Variants in PPP1R3G observed in about 807,000 individuals in gnomAD.
PPP1R3G encodes the protein protein phosphatase 1 regulatory subunit 3G, also known as protein phosphatase 1, regulatory (inhibitor) subunit 3G.
In PPP1R3G, 3 loss-of-function variants were observed where a neutral mutation model predicts 2.0. The ratio of observed to expected loss-of-function variants is 1.47; its 90% CI spans 0.67 to 3.81. The LOEUF is 3.81. Among genes scored for constraint, PPP1R3G ranks in the 30% most tolerant of loss-of-function variants. The pLI, the probability that PPP1R3G is intolerant of heterozygous loss-of-function variation, is 0.02. For missense variants in PPP1R3G, 595 were observed against 517.0 expected, an observed-to-expected ratio of 1.15 and a Z score of -1.46; for synonymous variants, 267 against 250.9, an observed-to-expected ratio of 1.06 and a Z score of -0.61.
chr6:5,085,813 G>A lies in PPP1R3G; in HGVS notation c.328G>A (p.Gly110Ser), dbSNP rs1395762749. ...QQQQQQAVAL[G>S]GEGAEDAQLG... ...GCAGCAGCAACAGGCGGTGGCACTG[G>A]GCGGCGAGGGGGCGGAGGACGCACA... The change falls in exon 1 of 1, where the codon GGC (glycine) becomes AGC (serine). Residue 110 changes from glycine (G) to serine (S), a missense_variant. Gly to Ser is a moderately conservative substitution (Grantham distance 56). Transcript: ENST00000405617. 1.3e-6 allele frequency: 2 copies of A among 1,528,192 alleles called. No homozygotes were observed. Among genetic ancestry groups the A allele is most frequent in the South Asian group, 1.2e-5 (1 of 82,640 alleles). 94.7% of individuals were successfully genotyped at this position (1,528,192 alleles called of 1,614,324 possible). A position where few individuals can be genotyped will look rare whatever the true frequency, so the allele number is the denominator to read the frequency against.
Position 5,086,149 on chromosome 6 carries a change from C to A in PPP1R3G, c.664C>A (p.Arg222Ser). ...RLQRQRVCLE[R>S]VQCSTASGAE... ...GCAGCGGCAGCGCGTGTGCCTGGAG[C>A]GCGTGCAGTGCTCGACGGCCTCGGG... The change falls in exon 1 of 1, where the codon CGC becomes AGC. Residue 222 changes from arginine (R) to serine (S), a missense_variant. Coordinates refer to ENST00000405617, the MANE Select transcript of PPP1R3G (RefSeq NM_001145115.3). The A allele has an allele frequency of 6.6e-7, 1 of 1,515,386 alleles. No individual in the cohort carries two copies. The highest frequency in any genetic ancestry group is 8.8e-7 in the Non-Finnish European group (1 of 1,137,658). 93.9% of individuals were successfully genotyped at this position (1,515,386 alleles called of 1,614,324 possible). A position where few individuals can be genotyped will look rare whatever the true frequency, so the allele number is the denominator to read the frequency against.
chr6:5,085,775 A>G lies in PPP1R3G; in HGVS notation c.290A>G (p.Lys97Arg). The G allele has an allele frequency of 6.5e-7, 1 of 1,534,082 alleles. No individual in the cohort carries two copies. The highest frequency in any genetic ancestry group is 8.8e-7 in the Non-Finnish European group (1 of 1,141,210). ...LPADPILQAAKFLQQQQQQAV... is the reference protein window; with the variant it reads ...LPADPILQAARFLQQQQQQAV... ...GCCGACCCCATCTTGCAGGCGGCCA[A>G]GTTCCTGCAGCAGCAGCAGCAACAG... Residue 97 changes from lysine to arginine, a missense_variant, in exon 1 of 1, where the codon AAG becomes AGG. Physicochemically the swap from Lys to Arg is conservative, Grantham distance 26. Transcript: ENST00000405617.
chr6:5,086,227 G>A lies in PPP1R3G; in HGVS notation c.742G>A (p.Val248Met). 6.5e-7 allele frequency: 1 copy of A among 1,535,494 alleles called. No individual in the cohort carries two copies. The highest frequency in any genetic ancestry group is 1.7e-4 in the Middle Eastern group (1 of 5,986). Reference sequence around the variant, plus strand: ...GCTCAGCTGCCCTGGGCCCAGGGCCGTGACCGTGCGCTACACCTTTACCGA... The same window carrying A: ...GCTCAGCTGCCCTGGGCCCAGGGCCATGACCGTGCGCTACACCTTTACCGA... ...RVLSCPGPRAVTVRYTFTEWR... is the reference protein window; with the variant it reads ...RVLSCPGPRAMTVRYTFTEWR... Residue 248 changes from valine to methionine, a missense_variant, in exon 1 of 1, where the codon GTG (valine) becomes ATG (methionine). Val to Met is a conservative substitution (Grantham distance 21). Coordinates refer to ENST00000405617, the MANE Select transcript of PPP1R3G (RefSeq NM_001145115.3).
Position 5,085,571 on chromosome 6 carries a change from C to A in PPP1R3G, c.86C>A (p.Ala29Asp). 1 of 1,543,652 alleles carries A rather than the reference C, an allele frequency of 6.5e-7. No individual in the cohort carries two copies. Among genetic ancestry groups the A allele is most frequent in the Non-Finnish European group, 8.7e-7 (1 of 1,146,110 alleles). Residue 29 changes from alanine (A) to aspartate (D), a missense_variant, in exon 1 of 1, where the codon GCC becomes GAC. Ala to Asp is a moderately radical substitution (Grantham distance 126). Coordinates refer to ENST00000405617, the MANE Select transcript of PPP1R3G (RefSeq NM_001145115.3). ...REAPPAEELP[A>D]PVVPCVQGGG... Reference sequence around the variant, plus strand: ...GCCCCGCCGGCCGAGGAGCTGCCCGCCCCGGTGGTCCCCTGTGTGCAGGGT... The same window carrying A: ...GCCCCGCCGGCCGAGGAGCTGCCCGACCCGGTGGTCCCCTGTGTGCAGGGT...
rs999855739 is a variant in PPP1R3G at position 5,089,192 on chromosome 6, G to A, written c.*2630G>A. On this transcript the variant is annotated 3_prime_UTR_variant, in exon 1 of 1. Coordinates refer to ENST00000405617, the MANE Select transcript of PPP1R3G (RefSeq NM_001145115.3). Reference sequence around the variant, plus strand: ...CATATATGCTTATAAAAACTTTGACGAAAAATAAATGATAAAATGAAACAA... The same window carrying A: ...CATATATGCTTATAAAAACTTTGACAAAAAATAAATGATAAAATGAAACAA... 2 of 151,998 alleles carry A rather than the reference G, an allele frequency of 1.3e-5. No individual in the cohort carries two copies. Among genetic ancestry groups the A allele is most frequent in the Non-Finnish European group, 2.9e-5 (2 of 67,998 alleles). The allele number at this position is 151,998 out of a possible 1,614,324, so 9.4% of individuals were successfully genotyped here.
chr6:5,086,778 TGACCTCAGTCTTCTC>T lies in PPP1R3G; in HGVS notation c.*218_*232del. On this transcript the variant is annotated 3_prime_UTR_variant, in exon 1 of 1. Coordinates refer to ENST00000405617, the MANE Select transcript of PPP1R3G (RefSeq NM_001145115.3). ...GCCCGGGCAATGCTCCGAAAGCCTC[TGACCTCAGTCTTCTC>T]GTCCGTTTGACCTTCCTACAAGGCC... is the stretch of plus-strand genomic sequence containing the variant. 1.7e-6 allele frequency: 1 copy of T among 577,360 alleles called. No individual in the cohort carries two copies. The highest frequency in any genetic ancestry group is 3.0e-6 in the Non-Finnish European group (1 of 327,962). The allele number at this position is 577,360 out of a possible 1,614,324, so 35.8% of individuals were successfully genotyped here.
In PPP1R3G at chr6:5,086,339, A is replaced by G; in HGVS notation, c.854A>G (p.Glu285Gly). The change falls in exon 1 of 1, where the codon GAG becomes GGG. Residue 285 changes from glutamate to glycine, a missense_variant. Physicochemically the swap from Glu to Gly is moderately conservative, Grantham distance 98 (BLOSUM62 -2). Transcript: ENST00000405617. ...QQPEAPSGASEPGSGDAKKEP... is the reference protein window; with the variant it reads ...QQPEAPSGASGPGSGDAKKEP... ...CCAGAGGCACCGTCTGGGGCCTCCGAGCCAGGGTCCGGGGATGCCAAGAAA... is the reference window on the plus strand; with the variant it reads ...CCAGAGGCACCGTCTGGGGCCTCCGGGCCAGGGTCCGGGGATGCCAAGAAA... The G allele has an allele frequency of 6.5e-7, 1 of 1,535,784 alleles. No individual in the cohort carries two copies. The highest frequency in any genetic ancestry group is 8.7e-7 in the Non-Finnish European group (1 of 1,146,700).
At position 5,085,358 on chromosome 6, in the gene PPP1R3G, T is replaced by C. The variant is rs1761954759; in HGVS notation, c.-128T>C. 1 of 672,266 alleles carries C rather than the reference T, an allele frequency of 1.5e-6. No individual in the cohort carries two copies. The allele number at this position is 672,266 out of a possible 1,614,324, so 41.6% of individuals were successfully genotyped here. ...TGGAACTACGTTGTCTTGTCGAGCC[T>C]GGGGCGACTCGCCTCGGGGAGGGCG... On this transcript the variant is annotated 5_prime_UTR_variant, in exon 1 of 1. Coordinates refer to ENST00000405617, the MANE Select transcript of PPP1R3G (RefSeq NM_001145115.3).
Position 5,085,474 on chromosome 6 carries a change from G to A in PPP1R3G, c.-12G>A. Reference sequence around the variant, plus strand: ...CGGTTCGGCCCGAGCAAGTCCAGGGGCGAACGGCGTCATGGAGCCCATAGG... The same window carrying A: ...CGGTTCGGCCCGAGCAAGTCCAGGGACGAACGGCGTCATGGAGCCCATAGG... On this transcript the variant is annotated 5_prime_UTR_variant, in exon 1 of 1. Transcript: ENST00000405617. 2 of 1,527,142 alleles carry A rather than the reference G, an allele frequency of 1.3e-6. No individual in the cohort carries two copies. The highest frequency in any genetic ancestry group is 1.8e-6 in the Non-Finnish European group (2 of 1,140,434). 94.6% of individuals were successfully genotyped at this position (1,527,142 alleles called of 1,614,324 possible).
In PPP1R3G at chr6:5,087,649, C is replaced by T. The variant is rs1405674467; in HGVS notation, c.*1087C>T. On this transcript the variant is annotated 3_prime_UTR_variant, in exon 1 of 1. Transcript: ENST00000405617. ...GATGGGAAAGTGGCTTTCTGTTCCT[C>T]TCAGAGCCACAGTGGGGAGTGGTGA... is the stretch of plus-strand genomic sequence containing the variant. 2 of 152,340 alleles carry T rather than the reference C, an allele frequency of 1.3e-5. No individual in the cohort carries two copies. Among genetic ancestry groups the T allele is most frequent in the Admixed American group, 1.3e-4 (2 of 15,284 alleles). 9.4% of individuals were successfully genotyped at this position (152,340 alleles called of 1,614,324 possible).
At position 5,086,020 on chromosome 6, in the gene PPP1R3G, G is replaced by A. The variant is rs1761998274; in HGVS notation, c.535G>A (p.Gly179Arg). 5 of 1,497,220 alleles carry A rather than the reference G, an allele frequency of 3.3e-6. No homozygotes were observed. The highest frequency in any genetic ancestry group is 4.4e-6 in the Non-Finnish European group (5 of 1,130,074). 92.7% of individuals were successfully genotyped at this position (1,497,220 alleles called of 1,614,324 possible). Residue 179 changes from glycine (G) to arginine (R), a missense_variant, in exon 1 of 1, where the codon GGG (glycine) becomes AGG (arginine). Physicochemically the swap from Gly to Arg is moderately radical, Grantham distance 125. Transcript: ENST00000405617. ...MRAEDLEQLG[G>R]LLAAAAVAAP... ...TGCCGAGGACCTGGAGCAGCTCGGG[G>A]GGCTGCTGGCCGCGGCGGCAGTGGC...
At position 5,085,998 on chromosome 6, in the gene PPP1R3G, C is replaced by G. The variant is rs766899846; in HGVS notation, c.513C>G (p.Ala171=). Residue 171 remains alanine (A), a synonymous_variant, in exon 1 of 1, where the codon GCC becomes GCG. Coordinates refer to ENST00000405617, the MANE Select transcript of PPP1R3G (RefSeq NM_001145115.3). ...GCCTCCGAAGCTTCCCTATGCGTGC[C>G]GAGGACCTGGAGCAGCTCGGGGGGC... ...LSRLRSFPMR[A]EDLEQLGGLL... The G allele has an allele frequency of 1.8e-5, 28 of 1,524,420 alleles. No homozygotes were observed. Among genetic ancestry groups the G allele is most frequent in the Middle Eastern group, 3.5e-4 (2 of 5,774 alleles). 94.4% of individuals were successfully genotyped at this position (1,524,420 alleles called of 1,614,324 possible).
rs780541343 is a variant in PPP1R3G at position 5,085,781 on chromosome 6, T to TGCA, written c.309_311dup (p.Gln105dup). ...CCCATCTTGCAGGCGGCCAAGTTCC[T>TGCA]GCAGCAGCAGCAGCAACAGGCGGTG... On this transcript the variant is annotated inframe_insertion, in exon 1 of 1. Coordinates refer to ENST00000405617, the MANE Select transcript of PPP1R3G (RefSeq NM_001145115.3). 225 of 1,532,846 alleles carry TGCA rather than the reference T, an allele frequency of 1.5e-4. 3 individuals are homozygous for TGCA. The East Asian group carries it at 4.3e-3, about 29-fold the overall frequency. 95.0% of individuals were successfully genotyped at this position (1,532,846 alleles called of 1,614,324 possible). A position where few individuals can be genotyped will look rare whatever the true frequency, so the allele number is the denominator to read the frequency against.
chr6:5,086,482 T>TG lies in PPP1R3G; in HGVS notation c.998dup (p.Cys333TrpfsTer41). 1 of 1,537,388 alleles carries TG rather than the reference T, an allele frequency of 6.5e-7. No homozygotes were observed. Among genetic ancestry groups the TG allele is most frequent in the East Asian group, 2.4e-5 (1 of 40,882 alleles). ...GGTCCACTTCGCTGTCTGCTACCGC[T>TG]GCGCGCAGGGCGAGTACTGGGACAA... is the stretch of plus-strand genomic sequence containing the variant. On this transcript the variant is annotated frameshift_variant, in exon 1 of 1. Transcript: ENST00000405617. LOFTEE classifies it high-confidence loss of function.
In PPP1R3G at chr6:5,086,234, TG is replaced by T; in HGVS notation, c.750del (p.Arg251AlafsTer121). On this transcript the variant is annotated frameshift_variant, in exon 1 of 1. Transcript: ENST00000405617. LOFTEE classifies it low-confidence loss of function (END_TRUNC). ...LSCPGPRAVT[V>X]RYTFTEWRSF... The stretch of plus-strand genomic sequence containing the variant: ...TGCCCTGGGCCCAGGGCCGTGACCG[TG>T]CGCTACACCTTTACCGAGTGGCGCT... 2 of 1,535,398 alleles carry T rather than the reference TG, an allele frequency of 1.3e-6. No homozygotes were observed. The highest frequency in any genetic ancestry group is 4.9e-5 in the East Asian group (2 of 40,888).
At position 5,085,435 on chromosome 6, in the gene PPP1R3G, T is replaced by C; in HGVS notation, c.-51T>C. 1 of 1,358,506 alleles carries C rather than the reference T, an allele frequency of 7.4e-7. No individual in the cohort carries two copies. Among genetic ancestry groups the C allele is most frequent in the South Asian group, 1.3e-5 (1 of 74,408 alleles). 84.2% of individuals were successfully genotyped at this position (1,358,506 alleles called of 1,614,324 possible). On this transcript the variant is annotated 5_prime_UTR_variant, in exon 1 of 1. Transcript: ENST00000405617. ...TCCACGGCCCGAGGAGTTAGTTAAG[T>C]CTCCAGAGGGGCCCGGTTCGGCCCG... is the stretch of plus-strand genomic sequence containing the variant.
chr6:5,088,656 A>G lies in PPP1R3G; in HGVS notation c.*2094A>G, dbSNP rs1443691362. 1 of 152,242 alleles carries G rather than the reference A, an allele frequency of 6.6e-6. No homozygotes were observed. The highest frequency in any genetic ancestry group is 1.5e-5 in the Non-Finnish European group (1 of 68,046). The allele number at this position is 152,242 out of a possible 1,614,324, so 9.4% of individuals were successfully genotyped here. A position where few individuals can be genotyped will look rare whatever the true frequency, so the allele number is the denominator to read the frequency against. ...GGCTGGCCAACCCCTGCTCTAGGGA[A>G]GTAGTGTTTTTTAAACACAATATGC... On this transcript the variant is annotated 3_prime_UTR_variant, in exon 1 of 1. Coordinates refer to ENST00000405617, the MANE Select transcript of PPP1R3G (RefSeq NM_001145115.3).
chr6:5,085,436 C>T lies in PPP1R3G; in HGVS notation c.-50C>T. ...CCACGGCCCGAGGAGTTAGTTAAGT[C>T]TCCAGAGGGGCCCGGTTCGGCCCGA... On this transcript the variant is annotated 5_prime_UTR_variant, in exon 1 of 1. Coordinates refer to ENST00000405617, the MANE Select transcript of PPP1R3G (RefSeq NM_001145115.3). 1 of 1,391,766 alleles carries T rather than the reference C, an allele frequency of 7.2e-7. No individual in the cohort carries two copies. The highest frequency in any genetic ancestry group is 2.5e-5 in the East Asian group (1 of 39,772). 86.2% of individuals were successfully genotyped at this position (1,391,766 alleles called of 1,614,324 possible).
chr6:5,086,387 A>T lies in PPP1R3G; in HGVS notation c.902A>T (p.His301Leu). The change falls in exon 1 of 1, where the codon CAC (histidine) becomes CTC (leucine). Residue 301 changes from histidine to leucine, a missense_variant. Transcript: ENST00000405617. ...AAAGAGCCAGGCGCCGAGTGCTTCC[A>T]CTTCTCGCTGTGCCTGCCCCCGGGC... ...AKKEPGAECF[H>L]FSLCLPPGLQ... 6.5e-7 allele frequency: 1 copy of T among 1,536,128 alleles called. No individual in the cohort carries two copies. Among genetic ancestry groups the T allele is most frequent in the South Asian group, 1.2e-5 (1 of 84,058 alleles).
Sources: gnomAD v4.1 joint callset for allele counts on GRCh38, gnomAD v4.1.1 for gene constraint, MANE v1.5 for transcripts, NCBI Gene and HGNC (gene_info 2026-07-23, HGNC 2026-07-21) for gene names.